The following BAZ2B variants were observed in gnomAD, a reference collection of about 807,000 sequenced individuals.
BAZ2B encodes bromodomain adjacent to zinc finger domain protein 2B.
Under a neutral mutation model 246.0 loss-of-function variants are expected in BAZ2B, and 91 were observed. That is an observed-to-expected ratio of 0.37 (90% CI 0.31 to 0.44). The LOEUF (loss-of-function observed/expected upper bound fraction) is 0.44, where lower values mean the gene tolerates loss of function less well. Among genes scored for constraint, BAZ2B ranks in the 20% least tolerant of loss-of-function variants. The pLI, the probability that BAZ2B is intolerant of heterozygous loss-of-function variation, is 1.00. For missense variants in BAZ2B, 2,332 were observed against 2,533.7 expected (o/e 0.92, Z 1.71); for synonymous variants, 855 against 860.0 (o/e 0.99, Z 0.10).
the BAZ2B span, among the ~76,000 whole-genome samples, chr2:159,684,269 T>C: frequency 6.6e-6 from 1 of 152,256 alleles, no homozygotes; most frequent in African/African-American, 2.4e-5. Context: ...AAAGCTGCTA[T>C]GAACACTGAT....
chr2:159,433,486 T>C (rs1280625517), intron 8 of BAZ2B, 123 bp from the exon 9 acceptor site: 4 of 879,886 alleles, frequency 4.5e-6, no homozygotes, highest in East Asian at 5.4e-5. Flanking sequence ...TAAATCATGA[T>C]ATACAAATGC....
intron 10 of BAZ2B, 71 bp from the exon 11 acceptor site, chr2:159,429,331 C>G: frequency 1.1e-6 from 1 of 945,436 alleles, no homozygotes; most frequent in Non-Finnish European, 1.5e-6. Context: ...AGTTTAGAAA[C>G]TTTTCTTTAA....
the BAZ2B span, among the ~76,000 whole-genome samples, chr2:159,679,382 T>C: frequency 1.3e-5 from 2 of 152,130 alleles, no homozygotes; most frequent in South Asian, 2.1e-4. Context: ...TTCCATAGTA[T>C]ATTATATACT....
chr2:159,431,199 C>T (rs747290811), intron 9 of BAZ2B, 43 bp from the exon 10 acceptor site: 15 of 1,546,544 alleles, frequency 9.7e-6, no homozygotes, highest in Middle Eastern at 2.0e-4. Context: ...ACTAGATAAT[C>T]ACCAATAATT....
intron 2 of BAZ2B, among the ~76,000 whole-genome samples, chr2:159,512,238 A>C (rs1359613356): frequency 6.6e-6 from 1 of 152,196 alleles, no homozygotes; most frequent in Non-Finnish European, 1.5e-5. Flanking sequence ...CTTGCTCTTA[A>C]GTATCTTTAA....
Position 159,524,206 on chromosome 2 carries a change from C to T in BAZ2B, c.-3+31617G>A, listed in dbSNP as rs115998650. Among the ~76,000 whole-genome samples the T allele has an allele frequency of 5.7e-3, 870 of 152,046 alleles. 11 individuals are homozygous for T. The highest frequency in any genetic ancestry group is 0.019 in the African/African-American group (801 of 41,472). ...AGACCAACGTGGGAGGATACATTGA[C>T]GCCAGGAGTTTGTGACCAGCCTGGG... is the stretch of plus-strand genomic sequence containing the variant. On this transcript the variant is annotated intron_variant, in intron 2 of 36. Transcript: ENST00000392783.
chr2:159,562,649 G>A (rs1284915190), intron 1 of BAZ2B, among the ~76,000 whole-genome samples: 1 of 152,122 alleles, frequency 6.6e-6, no homozygotes, highest in Non-Finnish European at 1.5e-5. Context: ...AAAATTATGT[G>A]TTGTTTTAGT....
intron 3 of BAZ2B, chr2:159,461,115 G>A (rs1366706653): frequency 6.6e-6 from 1 of 151,808 alleles, no homozygotes; most frequent in Non-Finnish European, 1.5e-5. Flanking sequence ...AGCAAAAACA[G>A]AACTGAAGCA....
At chr2:159,701,320 TC>T in the BAZ2B span, among the ~76,000 whole-genome samples, 1 of 152,086 alleles carries the variant, frequency 6.6e-6, no homozygotes, top group Admixed American at 6.5e-5. Context: ...CAGAATCTGT[TC>T]TTTTTTTATT....
At chr2:159,367,498 A>G (rs2060342291) in intron 27 of BAZ2B, among the ~76,000 whole-genome samples, 1 of 152,222 alleles carries the variant, frequency 6.6e-6, no homozygotes, top group Non-Finnish European at 1.5e-5. Flanking sequence ...TGTTAATGTT[A>G]TTATAAGAAT....
At chr2:159,568,549 G>A (rs528301917) in intron 1 of BAZ2B, among the ~76,000 whole-genome samples, 14 of 30,584 alleles carry the variant, frequency 4.6e-4, no homozygotes, top group African/African-American at 7.8e-4. Context: ...CATGCAGACT[G>A]AAAAGTTAAA....
At chr2:159,361,308 C>T (rs2059666374) in intron 27 of BAZ2B, among the ~76,000 whole-genome samples, 1 of 152,172 alleles carries the variant, frequency 6.6e-6, no homozygotes, top group Non-Finnish European at 1.5e-5. Flanking sequence ...ATAGACACTT[C>T]TCAAAAGAAG....
chr2:159,603,848 C>T (rs1045714258), intron 1 of BAZ2B, among the ~76,000 whole-genome samples: 1 of 152,112 alleles, frequency 6.6e-6, no homozygotes, highest in Non-Finnish European at 1.5e-5. Flanking sequence ...ACTCTATGGC[C>T]ACTCCTGTCA....
At chr2:159,648,250 G>A in the BAZ2B span, among the ~76,000 whole-genome samples, 1 of 152,082 alleles carries the variant, frequency 6.6e-6, no homozygotes, top group South Asian at 2.1e-4. Flanking sequence ...AGATTCTCCT[G>A]CCTCAGCCTC....
intron 2 of BAZ2B, among the ~76,000 whole-genome samples, chr2:159,523,953 T>C (rs1578076540): frequency 6.6e-6 from 1 of 152,204 alleles, no homozygotes; most frequent in East Asian, 1.9e-4. Flanking sequence ...CTCATTCATA[T>C]GGACTACTGA....
chr2:159,534,562 C>T (rs1381947649), intron 2 of BAZ2B, among the ~76,000 whole-genome samples: 1 of 151,906 alleles, frequency 6.6e-6, no homozygotes, highest in Non-Finnish European at 1.5e-5. Context: ...CTGTCCTTGA[C>T]CAAAACATCA....
the BAZ2B span, chr2:159,670,906 G>A: frequency 2.0e-5 from 3 of 152,104 alleles, no homozygotes; most frequent in African/African-American, 7.2e-5. Context: ...ACAGAATTCT[G>A]GACTGACTGA....
At chr2:159,662,492 C>CT in the BAZ2B span, among the ~76,000 whole-genome samples, 4 of 152,110 alleles carry the variant, frequency 2.6e-5, no homozygotes, top group African/African-American at 9.7e-5. Context: ...TCCACATTCT[C>CT]ACTGGTTCTT....
upstream of BAZ2B, chr2:159,616,942 A>C (rs1377641964): frequency 1.3e-5 from 2 of 152,190 alleles, no homozygotes; most frequent in East Asian, 3.9e-4. Context: ...TAATATGCCA[A>C]GATTTTGCGG....
Sources: allele counts gnomAD v4.1 joint callset (sites outside exome capture counted in the v4.1 genomes callset), GRCh38; gene constraint gnomAD v4.1.1; transcripts MANE v1.5; gene names NCBI Gene and HGNC (gene_info 2026-07-23, HGNC 2026-07-21).